Variants in TSPAN9 observed in about 807,000 individuals in gnomAD.
TSPAN9 encodes tetraspanin-9.
A neutral mutation model predicts 31.0 loss-of-function variants in TSPAN9; 16 were observed. The observed-to-expected ratio is 0.52, with a 90% CI of 0.35 to 0.78. The LOEUF (loss-of-function observed/expected upper bound fraction) is 0.78. TSPAN9 is among the 30% of genes least tolerant of loss of function. The probability of loss-of-function intolerance (pLI) is 0.01; values close to 1 mark genes in which losing one functional copy is unlikely to be tolerated. For missense variants in TSPAN9, 272 were observed against 312.5 expected, an observed-to-expected ratio of 0.87 and a Z score of 0.98; for synonymous variants, 145 against 121.6, an observed-to-expected ratio of 1.19 and a Z score of -1.27.
chr12:3,277,702 G>A (rs1466418861), intron 3 of TSPAN9, among the ~76,000 whole-genome samples: 2 of 152,136 alleles, frequency 1.3e-5, no homozygotes, highest in African/African-American at 4.8e-5. Context: ...TGGTGGCGCC[G>A]GCAGCCCCAG....
chr12:3,119,339 A>G (rs1357596556), intron 2 of TSPAN9, among the ~76,000 whole-genome samples: 1 of 152,220 alleles, frequency 6.6e-6, no homozygotes, highest in Non-Finnish European at 1.5e-5. Context: ...CTGACTCCCC[A>G]GGGTCATCCA....
chr12:3,243,079 A>G (rs498049), intron 3 of TSPAN9, among the ~76,000 whole-genome samples: 124,897 of 152,158 alleles, frequency 0.82, 52,262 homozygotes, highest in South Asian at 0.91. Context: ...GGAGCAGGGA[A>G]GATGCCATCA....
intron 3 of TSPAN9, among the ~76,000 whole-genome samples, chr12:3,264,203 A>G (rs1373841546): frequency 6.6e-6 from 1 of 151,958 alleles, no homozygotes; most frequent in Admixed American, 6.6e-5. Flanking sequence ...TGACCTCCCA[A>G]TCCTCCCCCT....
At chr12:3,254,568 C>A (rs1017325889) in intron 3 of TSPAN9, among the ~76,000 whole-genome samples, 4 of 152,154 alleles carry the variant, frequency 2.6e-5, no homozygotes, top group Admixed American at 6.5e-5. Flanking sequence ...CTTGTCCGTT[C>A]TGATGATGAT....
At chr12:3,268,406 A>G (rs568872058) in intron 3 of TSPAN9, among the ~76,000 whole-genome samples, 61 of 131,480 alleles carry the variant, frequency 4.6e-4, no homozygotes, top group African/African-American at 1.7e-3. Context: ...GTGTTCCTGC[A>G]GCCTGCCCTC....
chr12:3,191,576 G>A (rs2098364437), intron 2 of TSPAN9, among the ~76,000 whole-genome samples: 1 of 152,168 alleles, frequency 6.6e-6, no homozygotes, highest in Admixed American at 6.5e-5. Flanking sequence ...TGTTCCTTAG[G>A]TGGCACGAGG....
chr12:3,281,782 C>G lies in TSPAN9; in HGVS notation c.613C>G (p.Leu205Val). Residue 205 changes from leucine (L) to valine (V), a missense_variant, in exon 8 of 9, where the codon CTG (leucine) becomes GTG (valine). By Grantham distance (32) the Leu-to-Val change is conservative. Coordinates refer to ENST00000011898, the MANE Select transcript of TSPAN9 (RefSeq NM_006675.5). ...GTGGTTCGATGACAATAAGCACGTG[C>G]TGGGCACGGTGGGGATGTGCATCCT... ...KMWFDDNKHV[L>V]GTVGMCILIM... 2 of 1,614,154 alleles carry G rather than the reference C, an allele frequency of 1.2e-6. No individual in the cohort carries two copies. Among genetic ancestry groups the G allele is most frequent in the Non-Finnish European group, 1.7e-6 (2 of 1,180,010 alleles).
intron 2 of TSPAN9, among the ~76,000 whole-genome samples, chr12:3,154,570 G>C (rs1030586085): frequency 2.6e-5 from 4 of 152,196 alleles, no homozygotes; most frequent in African/African-American, 7.2e-5. Context: ...GCCCATCAGC[G>C]TGTTCCTCCC....
At chr12:3,091,208 AACCACT>A (rs2098304348) in intron 2 of TSPAN9, among the ~76,000 whole-genome samples, 2 of 152,238 alleles carry the variant, frequency 1.3e-5, no homozygotes, top group African/African-American at 2.4e-5. Flanking sequence ...TTCATTTGCC[AACCACT>A]ACGCTCCAGG....
chr12:3,228,376 A>G (rs940959188), intron 3 of TSPAN9, among the ~76,000 whole-genome samples: 2 of 152,206 alleles, frequency 1.3e-5, no homozygotes, highest in African/African-American at 4.8e-5. Context: ...TAAAAAAGAA[A>G]TAAATAAGCT....
At position 3,143,069 on chromosome 12, in the gene TSPAN9, T is replaced by C. The variant is rs2098335630; in HGVS notation, c.-17-58108T>C. ...TTTTCTCATGGTTAGACTGAGGTTCTTTGTCTTTGGAGAGACCACTGTGGC... is the reference window on the plus strand; with the variant it reads ...TTTTCTCATGGTTAGACTGAGGTTCCTTGTCTTTGGAGAGACCACTGTGGC... On this transcript the variant is annotated intron_variant, in intron 2 of 8. Coordinates refer to ENST00000011898, the MANE Select transcript of TSPAN9 (RefSeq NM_006675.5). The surrounding 1 kb of genome is among the most constrained non-coding windows in gnomAD (Gnocchi z 4.2). Among the ~76,000 whole-genome samples the C allele has an allele frequency of 6.6e-6, 1 of 152,080 alleles. No homozygotes were observed. The highest frequency in any genetic ancestry group is 1.5e-5 in the Non-Finnish European group (1 of 68,012).
At chr12:3,100,860 C>T (rs756272535) in intron 2 of TSPAN9, among the ~76,000 whole-genome samples, 7 of 152,092 alleles carry the variant, frequency 4.6e-5, no homozygotes, top group Non-Finnish European at 7.4e-5. Flanking sequence ...TCTCATTATC[C>T]CTTGTACCTA....
chr12:3,195,713 A>G lies in TSPAN9; in HGVS notation c.-17-5464A>G, dbSNP rs549644783. Among the ~76,000 whole-genome samples, 8 of 152,326 alleles carry G rather than the reference A, an allele frequency of 5.3e-5. No individual in the cohort carries two copies. The East Asian group carries it at 1.3e-3, about 26-fold the overall frequency. On this transcript the variant is annotated intron_variant, in intron 2 of 8. Transcript: ENST00000011898. ...CAGCTTCCTAGGGCACCGGTTAATC[A>G]TGGGCCCCACTGCTTGGGACCCTGC...
At chr12:3,268,265 G>A (rs1862578739) in intron 3 of TSPAN9, among the ~76,000 whole-genome samples, 1 of 131,032 alleles carries the variant, frequency 7.6e-6, no homozygotes, top group Non-Finnish European at 1.6e-5. Context: ...CATTCCTGCA[G>A]CCTGCCCTCT....
intron 3 of TSPAN9, among the ~76,000 whole-genome samples, chr12:3,246,853 G>A (rs1403030796): frequency 6.6e-6 from 1 of 152,248 alleles, no homozygotes; most frequent in Non-Finnish European, 1.5e-5. Context: ...AGACATCTCT[G>A]CTTTGTAGCC....
intron 3 of TSPAN9, among the ~76,000 whole-genome samples, chr12:3,205,365 G>A (rs553263382): frequency 1.3e-5 from 2 of 152,358 alleles, no homozygotes; most frequent in East Asian, 3.9e-4. Context: ...CGGGCAGAGT[G>A]CTGATGGGGC....
chr12:3,130,375 G>A (rs963650109), intron 2 of TSPAN9, among the ~76,000 whole-genome samples: 2 of 152,166 alleles, frequency 1.3e-5, no homozygotes, highest in Non-Finnish European at 1.5e-5. Context: ...TCTTGTTCGC[G>A]TCAGCTACTA....
At chr12:3,208,323 A>AG (rs1215236485) in intron 3 of TSPAN9, among the ~76,000 whole-genome samples, 1 of 152,020 alleles carries the variant, frequency 6.6e-6, no homozygotes, top group Non-Finnish European at 1.5e-5. Context: ...TGGGAGGGCC[A>AG]GGGGGGTTTC....
chr12:3,116,096 G>A (rs1389032419), intron 2 of TSPAN9, among the ~76,000 whole-genome samples: 1 of 152,180 alleles, frequency 6.6e-6, no homozygotes, highest in Non-Finnish European at 1.5e-5. Flanking sequence ...TTTTGTAAAA[G>A]CAATGTATGT....
Sources: allele counts gnomAD v4.1 joint callset (sites outside exome capture counted in the v4.1 genomes callset), GRCh38; gene constraint gnomAD v4.1.1; non-coding constraint Gnocchi (gnomAD v3.1); transcripts MANE v1.5; gene names NCBI Gene and HGNC (gene_info 2026-07-23, HGNC 2026-07-21).